The following DDX6 variants were observed in gnomAD, a reference collection of about 807,000 sequenced individuals.
DDX6 encodes the protein DEAD-box helicase 6, also known as probable ATP-dependent RNA helicase DDX6.
Under a neutral mutation model 60.6 loss-of-function variants are expected in DDX6, and 7 were observed. That is an observed-to-expected ratio of 0.12 (90% confidence interval 0.07 to 0.22). The LOEUF is 0.22. Among genes scored for constraint, DDX6 ranks in the 10% least tolerant of loss-of-function variants. DDX6 has a pLI of 1.00. For synonymous variants in DDX6, 207 were observed against 201.0 expected (o/e 1.03, Z -0.25); for missense variants, 270 against 589.9 (o/e 0.46, Z 5.62).
chr11:118,768,204 A>G lies in DDX6; in HGVS notation c.499+19T>C. On this transcript the variant is annotated intron_variant, in intron 5 of 13. Coordinates refer to ENST00000534980, the MANE Select transcript of DDX6 (RefSeq NM_004397.6). ...AAACTCCCATTTTTAGTTTAAAAAC[A>G]AACTTTTATTCAACTAACCTTGTAT... The G allele has an allele frequency of 6.2e-7, 1 of 1,606,966 alleles. No homozygotes were observed.
intron 13 of DDX6, among the ~76,000 whole-genome samples, chr11:118,752,538 T>C (rs1294528307): frequency 9.9e-5 from 15 of 151,834 alleles, no homozygotes; most frequent in African/African-American, 3.4e-4. Flanking sequence ...TCTGGGAGGC[T>C]GAGGTGGGCG....
At chr11:118,766,426 T>A (rs1012315662) in intron 5 of DDX6, among the ~76,000 whole-genome samples, 9 of 152,176 alleles carry the variant, frequency 5.9e-5, no homozygotes, top group African/African-American at 2.2e-4. Flanking sequence ...ACAGCAAGAC[T>A]CTGTCTCCCC....
At chr11:118,763,444 C>T (rs1305151334) in intron 6 of DDX6, 138 bp from the exon 7 acceptor site, 3 of 677,584 alleles carry the variant, frequency 4.4e-6, no homozygotes, top group Non-Finnish European at 7.7e-6. Context: ...ATAGCCTACT[C>T]CATTGTATAG....
chr11:118,760,184 A>C (rs1017989957), intron 7 of DDX6, 140 bp from the exon 8 acceptor site: 6 of 811,690 alleles, frequency 7.4e-6, no homozygotes, highest in Non-Finnish European at 1.1e-5. Context: ...AATTCTCTCC[A>C]ACACTGCAGA....
chr11:118,783,942 G>C (rs2508916), intron 2 of DDX6, among the ~76,000 whole-genome samples: 93,614 of 151,028 alleles, frequency 0.62, 29,503 homozygotes, highest in East Asian at 0.7. Context: ...ATGACAAAAC[G>C]CCGTCGCTAC....
At chr11:118,776,437 G>A (rs1319002326) in intron 4 of DDX6, among the ~76,000 whole-genome samples, 3 of 152,136 alleles carry the variant, frequency 2.0e-5, no homozygotes, top group African/African-American at 7.2e-5. Flanking sequence ...GCAGACATGA[G>A]TTACCTAAGT....
At chr11:118,785,294 A>G (rs538980255) in intron 2 of DDX6, among the ~76,000 whole-genome samples, 1 of 152,310 alleles carries the variant, frequency 6.6e-6, no homozygotes, top group African/African-American at 2.4e-5. Context: ...AAGGTTTCTG[A>G]GACTGTTCAG....
intron 1 of DDX6, chr11:118,788,494 T>G (rs1228938956): frequency 6.6e-6 from 1 of 152,128 alleles, no homozygotes; most frequent in African/African-American, 2.4e-5. Context: ...GCCTCCTGGG[T>G]TCACGCCATT....
intron 4 of DDX6, among the ~76,000 whole-genome samples, chr11:118,769,211 G>A (rs1555161925): frequency 2.0e-5 from 3 of 152,104 alleles, no homozygotes; most frequent in African/African-American, 4.8e-5. Context: ...TTTGACCACA[G>A]TGAAAAATTG....
At chr11:118,753,029 G>A (rs1248877489) in intron 13 of DDX6, among the ~76,000 whole-genome samples, 1 of 152,232 alleles carries the variant, frequency 6.6e-6, no homozygotes, top group Non-Finnish European at 1.5e-5. Flanking sequence ...GGAAATCAGA[G>A]TGGGTTATTT....
chr11:118,762,461 C>T (rs1861208312), intron 7 of DDX6, among the ~76,000 whole-genome samples: 1 of 150,488 alleles, frequency 6.6e-6, no homozygotes, highest in Non-Finnish European at 1.5e-5. Flanking sequence ...TCAGCCTAGC[C>T]TCCTTTAAAC....
At chr11:118,774,003 T>C (rs1555163145) in intron 4 of DDX6, among the ~76,000 whole-genome samples, 1 of 152,180 alleles carries the variant, frequency 6.6e-6, no homozygotes, top group Non-Finnish European at 1.5e-5. Context: ...TAACTATAAA[T>C]AGTAAACTAT....
In DDX6 at chr11:118,754,898, TGC is replaced by T. The variant is rs1411114104; in HGVS notation, c.1277-13_1277-12del. 1 of 1,492,232 alleles carries T rather than the reference TGC, an allele frequency of 6.7e-7. No individual in the cohort carries two copies. The allele number at this position is 1,492,232 out of a possible 1,614,324, so 92.4% of individuals were successfully genotyped here. The stretch of plus-strand genomic sequence containing the variant: ...GATGACCAAAGCGACCTAAAAAACA[TGC>T]GTTTAAAAATTTTAATGAATAAAAT... On this transcript the variant is annotated splice_polypyrimidine_tract_variant and intron_variant, in intron 12 of 13. Transcript: ENST00000534980.
rs561578637 is a variant in DDX6, at chr11:118,776,842, A to G, written c.369+2790T>C. 2.7e-4 allele frequency among the ~76,000 whole-genome samples: 41 copies of G among 152,054 alleles called. No homozygotes were observed. In the East Asian group the frequency reaches 4.8e-3, roughly 18 times the overall value. On this transcript the variant is annotated intron_variant, in intron 4 of 13. Transcript: ENST00000534980. ...GTAAGGCTCTGTCTCAAAAAAAAAA[A>G]AAAGAAAGAAAAAAAAAGACTTCAG...
chr11:118,759,846 G>T, intron 8 of DDX6, 76 bp downstream of exon 8: 1 of 1,451,478 alleles, frequency 6.9e-7, no homozygotes, highest in East Asian at 2.4e-5. Context: ...TCACAGATAT[G>T]AAGATGTAAT....
Position 118,773,763 on chromosome 11 carries a change from A to C in DDX6, c.370-5411T>G, listed in dbSNP as rs539575712. On this transcript the variant is annotated intron_variant, in intron 4 of 13. Transcript: ENST00000534980. The stretch of plus-strand genomic sequence containing the variant: ...CAACCCTCTGCAAGGCTGAGGCAGG[A>C]GAACTGCTTGAGGCCAGGAGTTCAA... 2.6e-5 allele frequency among the ~76,000 whole-genome samples: 4 copies of C among 152,064 alleles called. No homozygotes were observed. The South Asian group carries it at 8.3e-4, about 32-fold the overall frequency.
At chr11:118,768,819 G>A (rs1306921329) in intron 4 of DDX6, among the ~76,000 whole-genome samples, 5 of 151,588 alleles carry the variant, frequency 3.3e-5, no homozygotes, top group African/African-American at 1.2e-4. Context: ...CACCAGCCCG[G>A]GCAACTAGGC....
intron 8 of DDX6, 68 bp downstream of exon 8, chr11:118,759,854 A>G: frequency 6.6e-7 from 1 of 1,504,536 alleles, no homozygotes; most frequent in Non-Finnish European, 9.0e-7. Context: ...ATGAAGATGT[A>G]ATTACAAATA....
At chr11:118,783,810 C>CAAAAAA (rs71044495) in intron 2 of DDX6, among the ~76,000 whole-genome samples, 21 of 56,914 alleles carry the variant, frequency 3.7e-4, no homozygotes, top group South Asian at 8.4e-4. Flanking sequence ...GAGTCCATCT[C>CAAAAAA]AAAAAAAAAA....
Sources: allele counts gnomAD v4.1 joint callset (sites outside exome capture counted in the v4.1 genomes callset), GRCh38; gene constraint gnomAD v4.1.1; transcripts MANE v1.5; gene names NCBI Gene and HGNC (gene_info 2026-07-23, HGNC 2026-07-21).